The following STPG2 variants were observed in gnomAD, a reference collection of about 807,000 sequenced individuals.
STPG2 encodes the protein sperm tail PG-rich repeat containing 2, also known as sperm-tail PG-rich repeat-containing protein 2.
STPG2 carries 56 observed loss-of-function variants against 54.2 expected under a neutral mutation model. The ratio of observed to expected loss-of-function variants is 1.03; its 90% CI spans 0.83 to 1.29. The LOEUF is 1.29. Ranked by LOEUF, STPG2 falls within the 50% of genes most tolerant of loss-of-function variation. STPG2 has a pLI of 0.00. For synonymous variants in STPG2, 200 were observed against 181.8 expected (o/e 1.10, Z -0.81); for missense variants, 596 against 544.9 (o/e 1.09, Z -0.93).
intron 8 of STPG2, among the ~76,000 whole-genome samples, chr4:97,863,235 AC>A (rs1560560541): frequency 1.3e-5 from 2 of 152,168 alleles, no homozygotes; most frequent in African/African-American, 2.4e-5. Context: ...GAAGAATCAA[AC>A]ACATGTAATA....
At chr4:97,465,289 C>T (rs1270450443) in intron 4 of STPG2, among the ~76,000 whole-genome samples, 1 of 152,098 alleles carries the variant, frequency 6.6e-6, no homozygotes, top group Non-Finnish European at 1.5e-5. Context: ...AAAGTCGTGG[C>T]TGTTACTGCA....
intron 8 of STPG2, among the ~76,000 whole-genome samples, chr4:97,923,330 C>T (rs1293376380): frequency 7.9e-6 from 1 of 127,098 alleles, no homozygotes; most frequent in Admixed American, 7.8e-5. Context: ...TCCTGTGTGG[C>T]CCACCTCCCC....
chr4:97,696,650 T>G (rs567835960), intron 10 of STPG2, among the ~76,000 whole-genome samples: 4 of 152,288 alleles, frequency 2.6e-5, no homozygotes, highest in African/African-American at 7.2e-5. Flanking sequence ...GTATTCAGAA[T>G]CTACAAGGAA....
At chr4:97,733,140 A>G (rs997873292) in intron 9 of STPG2, among the ~76,000 whole-genome samples, 1 of 152,220 alleles carries the variant, frequency 6.6e-6, no homozygotes, top group African/African-American at 2.4e-5. Flanking sequence ...TTGCACATGT[A>G]TATTTATAGC....
At chr4:97,494,269 G>A (rs1730562200) in intron 4 of STPG2, among the ~76,000 whole-genome samples, 1 of 151,542 alleles carries the variant, frequency 6.6e-6, no homozygotes, top group African/African-American at 2.4e-5. Context: ...CTTCAGGCAG[G>A]TAGCATGCTG....
intron 10 of STPG2, among the ~76,000 whole-genome samples, chr4:97,617,224 G>A (rs1733897460): frequency 6.6e-6 from 1 of 151,564 alleles, no homozygotes; most frequent in Admixed American, 6.6e-5. Flanking sequence ...CCCAATATCT[G>A]GCATTAATTA....
intron 6 of STPG2, 81 bp from the exon 7 acceptor site, chr4:97,972,521 G>C (rs760821066): frequency 8.5e-6 from 7 of 821,468 alleles, no homozygotes; most frequent in East Asian, 6.1e-5. Context: ...TTTAATTAAG[G>C]GTTTTTTTCT....
chr4:97,838,030 C>A (rs1728682026), intron 9 of STPG2, among the ~76,000 whole-genome samples: 1 of 151,386 alleles, frequency 6.6e-6, no homozygotes, highest in African/African-American at 2.4e-5. Flanking sequence ...AATGTCATGA[C>A]CCAAGTAACA....
At chr4:97,505,553 T>C (rs1286736688) in intron 4 of STPG2, among the ~76,000 whole-genome samples, 2 of 151,996 alleles carry the variant, frequency 1.3e-5, no homozygotes, top group Admixed American at 1.3e-4. Flanking sequence ...GCAAAGTTCC[T>C]AAGTTCTCAA....
chr4:97,992,277 A>G (rs962352756), intron 5 of STPG2, among the ~76,000 whole-genome samples: 1 of 152,178 alleles, frequency 6.6e-6, no homozygotes, highest in Non-Finnish European at 1.5e-5. Context: ...ATTTTTGTAT[A>G]CAATGAGAGA....
chr4:97,840,060 G>C (rs17027009), intron 9 of STPG2, among the ~76,000 whole-genome samples: 2,653 of 151,462 alleles, frequency 0.018, 75 homozygotes, highest in African/African-American at 0.061. Flanking sequence ...GAACAAGAAT[G>C]CTGTTACTGA....
intron 9 of STPG2, among the ~76,000 whole-genome samples, chr4:97,753,727 G>C (rs1560514923): frequency 6.6e-6 from 1 of 152,018 alleles, no homozygotes; most frequent in Admixed American, 6.6e-5. Context: ...TAGGTGTGAA[G>C]TGGTTCTCTC....
At chr4:97,594,187 G>A (rs1733221574) in intron 10 of STPG2, among the ~76,000 whole-genome samples, 1 of 152,152 alleles carries the variant, frequency 6.6e-6, no homozygotes, top group South Asian at 2.1e-4. Context: ...TCAGAATAAG[G>A]ATAGGAATGA....
At chr4:97,627,314 G>A (rs1330845675) in intron 10 of STPG2, among the ~76,000 whole-genome samples, 1 of 152,070 alleles carries the variant, frequency 6.6e-6, no homozygotes, top group Admixed American at 6.6e-5. Flanking sequence ...GCATCACCTT[G>A]AGATTCATTG....
chr4:97,684,014 T>C (rs1344226751), intron 10 of STPG2, among the ~76,000 whole-genome samples: 1 of 151,812 alleles, frequency 6.6e-6, no homozygotes, highest in Non-Finnish European at 1.5e-5. Context: ...TATATTAGCT[T>C]GCAAAAATAG....
chr4:97,480,492 G>A (rs1275164711), intron 4 of STPG2, among the ~76,000 whole-genome samples: 1 of 151,376 alleles, frequency 6.6e-6, no homozygotes, highest in Non-Finnish European at 1.5e-5. Context: ...ACAAAAACCA[G>A]ATAAAAACAT....
intron 5 of STPG2, among the ~76,000 whole-genome samples, chr4:98,069,872 G>A (rs1450459637): frequency 2.0e-5 from 3 of 151,936 alleles, no homozygotes; most frequent in Admixed American, 6.6e-5. Context: ...CTACATTCCA[G>A]GTTAATAAAG....
At chr4:97,468,483 G>T (rs1352505225) in intron 4 of STPG2, among the ~76,000 whole-genome samples, 1 of 151,934 alleles carries the variant, frequency 6.6e-6, no homozygotes, top group South Asian at 2.1e-4. Context: ...CTCCATACAA[G>T]CATCAGTCAT....
In STPG2 at chr4:98,143,358, T is replaced by A; in HGVS notation, c.-208A>T. ...CTCAAATCGATTTCTAGCTCTGTGGTAAAGTAGAGGGGTGAGCGACTAGAG... is the reference window on the plus strand; with the variant it reads ...CTCAAATCGATTTCTAGCTCTGTGGAAAAGTAGAGGGGTGAGCGACTAGAG... On this transcript the variant is annotated 5_prime_UTR_variant, in exon 1 of 11. Coordinates refer to ENST00000295268, the MANE Select transcript of STPG2 (RefSeq NM_174952.3). 1 of 562,206 alleles carries A rather than the reference T, an allele frequency of 1.8e-6. No individual in the cohort carries two copies. The highest frequency in any genetic ancestry group is 3.2e-6 in the Non-Finnish European group (1 of 312,726). The allele number at this position is 562,206 out of a possible 1,614,324, so 34.8% of individuals were successfully genotyped here. A position where few individuals can be genotyped will look rare whatever the true frequency, so the allele number is the denominator to read the frequency against.
Sources: allele counts gnomAD v4.1 joint callset (sites outside exome capture counted in the v4.1 genomes callset), GRCh38; gene constraint gnomAD v4.1.1; transcripts MANE v1.5; gene names NCBI Gene and HGNC (gene_info 2026-07-23, HGNC 2026-07-21).